Variants in TCEA3 observed in about 807,000 individuals in gnomAD.
TCEA3 encodes transcription elongation factor A3, also known as transcription elongation factor A protein 3.
TCEA3 carries 36 observed loss-of-function variants against 44.0 expected under a neutral mutation model. The observed-to-expected ratio is 0.82, with a 90% CI of 0.63 to 1.08. The LOEUF is 1.08. Ranked by LOEUF, TCEA3 falls within the 50% of genes least tolerant of loss-of-function variation. The pLI is 0.00. For missense variants in TCEA3, 392 were observed against 441.2 expected (o/e 0.89, Z 1.00); for synonymous variants, 162 against 159.7 (o/e 1.01, Z -0.11).
chr1:23,417,850 T>C, intron 3 of TCEA3, 54 bp downstream of exon 3: 1 of 1,543,192 alleles, frequency 6.5e-7, no homozygotes, highest in Non-Finnish European at 9.0e-7. Flanking sequence ...GGCCCAGTCC[T>C]GTCCCAAGTG....
intron 9 of TCEA3, among the ~76,000 whole-genome samples, chr1:23,385,871 T>A (rs1399843533): frequency 6.6e-6 from 1 of 151,978 alleles, no homozygotes; most frequent in Non-Finnish European, 1.5e-5. Flanking sequence ...GGTGTGGATC[T>A]TGTTTATTAC....
intron 1 of TCEA3, chr1:23,423,883 C>CCGCCCT: frequency 2.2e-6 from 1 of 455,976 alleles, no homozygotes; most frequent in Non-Finnish European, 4.4e-6. Context: ...GCTCCTCCCT[C>CCGCCCT]CGCCCTCGCC....
chr1:23,397,561 T>A lies in TCEA3; in HGVS notation c.648A>T (p.Ala216=), dbSNP rs1639253532. 1 of 1,613,888 alleles carries A rather than the reference T, an allele frequency of 6.2e-7. No individual in the cohort carries two copies. Among genetic ancestry groups the A allele is most frequent in the East Asian group, 2.2e-5 (1 of 44,878 alleles). The change falls in exon 7 of 11, where the codon GCA becomes GCT. Residue 216 remains alanine (A), a synonymous_variant. Coordinates refer to ENST00000450454, the MANE Select transcript of TCEA3 (RefSeq NM_003196.3). ...KDYGVNCDKM[A]SEIEDHIYQE... ...CAAGGATATGATCTTCGATTTCTGA[T>A]GCCATCTTGTCACAGTTGACTCCAT...
chr1:23,384,563 C>T (rs1177901747), intron 9 of TCEA3, 146 bp from the exon 10 acceptor site: 2 of 742,972 alleles, frequency 2.7e-6, no homozygotes, highest in Middle Eastern at 3.7e-4. Flanking sequence ...TCACTGACAA[C>T]TCCATAATAT....
Position 23,424,732 on chromosome 1 carries a change from C to A in TCEA3, c.-99G>T. ...GCGGAGGGCGCGCAACCCGCGCGGG[C>A]CCCAAACACACACGACACACACGCC... On this transcript the variant is annotated 5_prime_UTR_variant, in exon 1 of 11. Coordinates refer to ENST00000450454, the MANE Select transcript of TCEA3 (RefSeq NM_003196.3). The A allele has an allele frequency of 1.2e-6, 1 of 869,458 alleles. No individual in the cohort carries two copies. The highest frequency in any genetic ancestry group is 1.8e-6 in the Non-Finnish European group (1 of 558,072). The allele number at this position is 869,458 out of a possible 1,614,324, so 53.9% of individuals were successfully genotyped here.
chr1:23,388,631 A>G (rs1444633430), intron 8 of TCEA3, among the ~76,000 whole-genome samples: 1 of 152,108 alleles, frequency 6.6e-6, no homozygotes, highest in Non-Finnish European at 1.5e-5. Flanking sequence ...GCAGATTCCT[A>G]TGAATCTGAA....
At chr1:23,408,113 C>G (rs1340108779) in intron 5 of TCEA3, among the ~76,000 whole-genome samples, 1 of 152,156 alleles carries the variant, frequency 6.6e-6, no homozygotes, top group Non-Finnish European at 1.5e-5. Context: ...AGGTGCCCAC[C>G]ACCATGCCTG....
intron 1 of TCEA3, among the ~76,000 whole-genome samples, chr1:23,419,669 T>C (rs1349481870): frequency 6.6e-6 from 1 of 152,050 alleles, no homozygotes; most frequent in Non-Finnish European, 1.5e-5. Flanking sequence ...AAGCCCCATC[T>C]CTATTAAAAT....
intron 4 of TCEA3, among the ~76,000 whole-genome samples, chr1:23,413,986 GTATATA>G (rs33960365): frequency 6.4e-5 from 9 of 141,044 alleles, no homozygotes; most frequent in Admixed American, 2.1e-4. Flanking sequence ...CTAGCAGGAT[GTATATA>G]TATATATATA....
At chr1:23,419,700 G>A (rs1158962130) in intron 1 of TCEA3, among the ~76,000 whole-genome samples, 1 of 152,124 alleles carries the variant, frequency 6.6e-6, no homozygotes, top group East Asian at 1.9e-4. Context: ...GCCAGGCGTG[G>A]TGGCGCATGC....
chr1:23,389,417 A>T (rs980844625), intron 8 of TCEA3, among the ~76,000 whole-genome samples: 17 of 149,926 alleles, frequency 1.1e-4, no homozygotes, highest in Middle Eastern at 6.8e-3. Flanking sequence ...TGAACCTGGG[A>T]GGTTTAAGTT....
chr1:23,397,293 T>C (rs895293997), intron 7 of TCEA3, among the ~76,000 whole-genome samples: 2 of 152,218 alleles, frequency 1.3e-5, no homozygotes, highest in African/African-American at 4.8e-5. Flanking sequence ...CCCATGAAAC[T>C]GGATAAATCA....
intron 4 of TCEA3, among the ~76,000 whole-genome samples, chr1:23,415,219 C>T (rs1282147277): frequency 6.6e-6 from 1 of 151,970 alleles, no homozygotes; most frequent in Non-Finnish European, 1.5e-5. Context: ...GACGGGGTTT[C>T]ACCATCTTGG....
intron 1 of TCEA3, chr1:23,419,464 C>A: frequency 4.1e-6 from 1 of 242,080 alleles, no homozygotes; most frequent in Non-Finnish European, 7.9e-6. Flanking sequence ...TATTGTTGCT[C>A]GTGTGCCTGT....
intron 5 of TCEA3, among the ~76,000 whole-genome samples, chr1:23,406,638 TTGTTG>T (rs1001834329): frequency 8.0e-4 from 122 of 152,252 alleles, no homozygotes; most frequent in African/African-American, 2.6e-3. Flanking sequence ...TTGTTTTGTT[TTGTTG>T]TGTTGTGTTT....
intron 9 of TCEA3, 145 bp from the exon 10 acceptor site, chr1:23,384,562 A>C: frequency 1.4e-6 from 1 of 730,630 alleles, no homozygotes; most frequent in East Asian, 2.6e-5. Context: ...ATCACTGACA[A>C]CTCCATAATA....
At chr1:23,421,158 G>A (rs2148587365) in intron 1 of TCEA3, among the ~76,000 whole-genome samples, 1 of 152,298 alleles carries the variant, frequency 6.6e-6, no homozygotes. Context: ...TTAAAGGCTT[G>A]CTATGTACTA....
At chr1:23,385,655 G>C (rs1166929108) in intron 9 of TCEA3, among the ~76,000 whole-genome samples, 3 of 152,188 alleles carry the variant, frequency 2.0e-5, no homozygotes, top group Non-Finnish European at 4.4e-5. Flanking sequence ...AGAATGACTA[G>C]ACACCAGTTA....
chr1:23,396,761 G>C (rs1639226978), intron 7 of TCEA3, among the ~76,000 whole-genome samples: 1 of 152,078 alleles, frequency 6.6e-6, no homozygotes. Flanking sequence ...CCAGCACTTT[G>C]GGATGCAAAG....
Sources: gnomAD v4.1 joint callset for allele counts (sites outside exome capture counted in the v4.1 genomes callset) on GRCh38, gnomAD v4.1.1 for gene constraint, MANE v1.5 for transcripts, NCBI Gene and HGNC (gene_info 2026-07-23, HGNC 2026-07-21) for gene names.